The following ZC3H7B variants were observed in gnomAD, a reference collection of about 807,000 sequenced individuals.
ZC3H7B encodes zinc finger CCCH domain-containing protein 7B.
Under a neutral mutation model 116.0 loss-of-function variants are expected in ZC3H7B, and 35 were observed. That is an observed-to-expected ratio of 0.30 (90% confidence interval 0.23 to 0.40). The LOEUF (loss-of-function observed/expected upper bound fraction) is 0.40, where lower values mean the gene tolerates loss of function less well. Ranked by LOEUF, ZC3H7B falls within the 10% of genes least tolerant of loss-of-function variation. ZC3H7B has a pLI of 1.00. For synonymous variants in ZC3H7B, 502 were observed against 545.6 expected (o/e 0.92, Z 1.11); for missense variants, 1,011 against 1,321.5 (o/e 0.77, Z 3.64).
intron 1 of ZC3H7B, among the ~76,000 whole-genome samples, chr22:41,305,925 T>C (rs1439180938): frequency 6.6e-6 from 1 of 152,216 alleles, no homozygotes; most frequent in Admixed American, 6.5e-5. Context: ...AATTGAATTA[T>C]GCCCCAATGT....
rs2036480836 is a variant in ZC3H7B at position 41,338,972 on chromosome 22, C to G, written c.626-29C>G. On this transcript the variant is annotated intron_variant, in intron 8 of 22. Coordinates refer to ENST00000352645, the MANE Select transcript of ZC3H7B (RefSeq NM_017590.6). This position sits in a 1 kb window ranked among gnomAD's most constrained non-coding sequence, Gnocchi z 4.5. ...CTCCACCCTCACCAAGCAGTGCTCC[C>G]CTTCGGCTCTTGCCCACCCCATCCG... 6.6e-7 allele frequency: 1 copy of G among 1,517,980 alleles called. No homozygotes were observed. Among genetic ancestry groups the G allele is most frequent in the Non-Finnish European group, 8.9e-7 (1 of 1,129,502 alleles). 94.0% of individuals were successfully genotyped at this position (1,517,980 alleles called of 1,614,324 possible). A position where few individuals can be genotyped will look rare whatever the true frequency, so the allele number is the denominator to read the frequency against.
chr22:41,326,497 C>T (rs1319415299), intron 4 of ZC3H7B, among the ~76,000 whole-genome samples: 3 of 151,708 alleles, frequency 2.0e-5, no homozygotes, highest in Non-Finnish European at 2.9e-5. Context: ...TAGTCTCAGC[C>T]TCCTCACTGT....
chr22:41,323,788 C>T (rs1210525964), intron 2 of ZC3H7B, among the ~76,000 whole-genome samples: 4 of 152,092 alleles, frequency 2.6e-5, no homozygotes, highest in South Asian at 2.1e-4. Flanking sequence ...AAGATGTCTA[C>T]GGCCGGGCGC....
intron 1 of ZC3H7B, among the ~76,000 whole-genome samples, chr22:41,310,078 A>G (rs916702836): frequency 1.3e-5 from 2 of 151,916 alleles, no homozygotes; most frequent in East Asian, 3.9e-4. Flanking sequence ...GGTGGCGGGC[A>G]CCTGTAGTCC....
intron 6 of ZC3H7B, 118 bp from the exon 7 acceptor site, chr22:41,332,052 CG>C: frequency 2.9e-6 from 3 of 1,032,246 alleles, no homozygotes; most frequent in South Asian, 1.4e-5. Flanking sequence ...CAGGGACTCT[CG>C]GGGGCGCTGC....
chr22:41,342,097 C>T (rs893756506), intron 11 of ZC3H7B, among the ~76,000 whole-genome samples: 15 of 151,708 alleles, frequency 9.9e-5, no homozygotes, highest in African/African-American at 3.4e-4. Context: ...TACACTCTGA[C>T]CTACACTAGC....
chr22:41,351,413 C>A lies in ZC3H7B; in HGVS notation c.1949-148C>A. 1 of 638,694 alleles carries A rather than the reference C, an allele frequency of 1.6e-6. No homozygotes were observed. 39.6% of individuals were successfully genotyped at this position (638,694 alleles called of 1,614,324 possible). On this transcript the variant is annotated intron_variant, in intron 16 of 22. Transcript: ENST00000352645. The surrounding 1 kb of genome is among the most constrained non-coding windows in gnomAD (Gnocchi z 5.1). ...CATTTTGCAGATGGACAAAGTGGTTCCCTTGTACCCCATGTCTTACTGTGG... is the reference window on the plus strand; with the variant it reads ...CATTTTGCAGATGGACAAAGTGGTTACCTTGTACCCCATGTCTTACTGTGG...
At position 41,338,936 on chromosome 22, in the gene ZC3H7B, C is replaced by T. The variant is rs868001184; in HGVS notation, c.626-65C>T. ...AGTGTTGGATGAGCATCACGGGGCCCGGGACGCCTCCTCCACCCTCACCAA... is the reference window on the plus strand; with the variant it reads ...AGTGTTGGATGAGCATCACGGGGCCTGGGACGCCTCCTCCACCCTCACCAA... On this transcript the variant is annotated intron_variant, in intron 8 of 22. Coordinates refer to ENST00000352645, the MANE Select transcript of ZC3H7B (RefSeq NM_017590.6). This position sits in a 1 kb window ranked among gnomAD's most constrained non-coding sequence, Gnocchi z 4.5. 3.0e-5 allele frequency: 43 copies of T among 1,445,216 alleles called. 1 individual carries two copies. In the Middle Eastern group the frequency reaches 2.1e-3, roughly 70 times the overall value. 89.5% of individuals were successfully genotyped at this position (1,445,216 alleles called of 1,614,324 possible).
At chr22:41,312,240 G>T (rs2036128705) in intron 1 of ZC3H7B, among the ~76,000 whole-genome samples, 1 of 151,920 alleles carries the variant, frequency 6.6e-6, no homozygotes, top group African/African-American at 2.4e-5. Flanking sequence ...GCTGAGGCGG[G>T]CAGATCACCT....
Position 41,343,450 on chromosome 22 carries a change from C to G in ZC3H7B, c.1333C>G (p.Leu445Val). Reference sequence around the variant, plus strand: ...TGGCGACTACACCTACCGTGAGGGCCTTGAGCACAAGTGCAAGCGGGACAT... The same window carrying G: ...TGGCGACTACACCTACCGTGAGGGCGTTGAGCACAAGTGCAAGCGGGACAT... ...RAGDYTYREG[L>V]EHKCKRDILL... The change falls in exon 13 of 23, where the codon CTT (leucine) becomes GTT (valine). Residue 445 changes from leucine (L) to valine (V), a missense_variant. By Grantham distance (32) the Leu-to-Val change is conservative. This residue lies in a region of ZC3H7B where 179 missense variants were observed against 178.5 expected (regional missense o/e 1.00). Transcript: ENST00000352645. The G allele has an allele frequency of 6.2e-7, 1 of 1,613,748 alleles. No individual in the cohort carries two copies. The highest frequency in any genetic ancestry group is 1.1e-5 in the South Asian group (1 of 91,048).
chr22:41,302,548 G>GGCCTGGGA lies in ZC3H7B; in HGVS notation c.-7+780_-7+787dup, dbSNP rs2035982536. Among the ~76,000 whole-genome samples, 1 of 152,072 alleles carries GGCCTGGGA rather than the reference G, an allele frequency of 6.6e-6. No individual in the cohort carries two copies. Among genetic ancestry groups the GGCCTGGGA allele is most frequent in the South Asian group, 2.1e-4 (1 of 4,822 alleles). The stretch of plus-strand genomic sequence containing the variant: ...ACGGGGGCGCCCTGACGGGGCTGGG[G>GGCCTGGGA]GCCTGGGAGCCGCCGACTCCGGCCT... On this transcript the variant is annotated intron_variant, in intron 1 of 22. Coordinates refer to ENST00000352645, the MANE Select transcript of ZC3H7B (RefSeq NM_017590.6). The surrounding 1 kb of genome is among the most constrained non-coding windows in gnomAD (Gnocchi z 5.7).
Position 41,346,950 on chromosome 22 carries a change from G to C in ZC3H7B, c.1665+742G>C, listed in dbSNP as rs973447381. 2.6e-4 allele frequency among the ~76,000 whole-genome samples: 38 copies of C among 146,992 alleles called. No individual in the cohort carries two copies. Among genetic ancestry groups the C allele is most frequent in the Non-Finnish European group, 1.5e-5 (1 of 67,198 alleles). ...CCACTGCACTCCAGCCTGGGTGACA[G>C]AGTGAGACCCTATTCCAAAAAAAAA... On this transcript the variant is annotated intron_variant, in intron 14 of 22. Coordinates refer to ENST00000352645, the MANE Select transcript of ZC3H7B (RefSeq NM_017590.6). This position sits in a 1 kb window ranked among gnomAD's most constrained non-coding sequence, Gnocchi z 5.3.
At position 41,318,620 on chromosome 22, in the gene ZC3H7B, G is replaced by A. The variant is rs146137254; in HGVS notation, c.-6-2035G>A. Among the ~76,000 whole-genome samples, 6 of 151,460 alleles carry A rather than the reference G, an allele frequency of 4.0e-5. No homozygotes were observed. In the East Asian group the frequency reaches 5.9e-4, roughly 15 times the overall value. On this transcript the variant is annotated intron_variant, in intron 1 of 22. Coordinates refer to ENST00000352645, the MANE Select transcript of ZC3H7B (RefSeq NM_017590.6). The stretch of plus-strand genomic sequence containing the variant: ...AAAGGTTAGCGAGGCATGGTGGCGC[G>A]CGCCTGTGATCTCAGCTGCTTGGGA...
chr22:41,325,440 C>A (rs764683135), intron 2 of ZC3H7B, 124 bp from the exon 3 acceptor site: 9 of 1,298,374 alleles, frequency 6.9e-6, no homozygotes, highest in African/African-American at 3.0e-5. Context: ...AGAAGAAAAC[C>A]GCAGTCTGTT....
rs553531398 is a variant in ZC3H7B at position 41,305,247 on chromosome 22, A to T, written c.-7+3475A>T. The stretch of plus-strand genomic sequence containing the variant: ...GTAATCGCAGCTACTTGGGAGGCTG[A>T]GGCAGGAGAATTGCTTGAACCCAGG... On this transcript the variant is annotated intron_variant, in intron 1 of 22. Coordinates refer to ENST00000352645, the MANE Select transcript of ZC3H7B (RefSeq NM_017590.6). Among the ~76,000 whole-genome samples the T allele has an allele frequency of 1.4e-4, 22 of 151,912 alleles. No homozygotes were observed. The East Asian group carries it at 3.7e-3, about 25-fold the overall frequency.
At chr22:41,320,281 C>T (rs553478199) in intron 1 of ZC3H7B, among the ~76,000 whole-genome samples, 5 of 149,594 alleles carry the variant, frequency 3.3e-5, no homozygotes, top group Admixed American at 2.0e-4. Flanking sequence ...TGCAGTGAGC[C>T]GAGATGGCGC....
chr22:41,354,937 C>T (rs538291481), intron 17 of ZC3H7B, among the ~76,000 whole-genome samples: 2 of 152,186 alleles, frequency 1.3e-5, no homozygotes, highest in African/African-American at 2.4e-5. Flanking sequence ...GGGGTGGCTT[C>T]CCATCTCCTG....
chr22:41,356,235 T>C, intron 20 of ZC3H7B, 108 bp from the exon 21 acceptor site: 6 of 1,552,716 alleles, frequency 3.9e-6, no homozygotes, highest in Non-Finnish European at 5.2e-6. Flanking sequence ...CTGAGCGGCC[T>C]ATCAGCAGGA....
intron 11 of ZC3H7B, among the ~76,000 whole-genome samples, chr22:41,341,366 A>C (rs1296657882): frequency 3.3e-5 from 5 of 152,220 alleles, no homozygotes; most frequent in Non-Finnish European, 7.3e-5. Context: ...GTCTGATGGA[A>C]GAATTCAAGT....
Sources: allele counts gnomAD v4.1 joint callset (sites outside exome capture counted in the v4.1 genomes callset), GRCh38; gene constraint gnomAD v4.1.1; regional missense constraint gnomAD v4.1.1; non-coding constraint Gnocchi (gnomAD v3.1); transcripts MANE v1.5; gene names NCBI Gene and HGNC (gene_info 2026-07-23, HGNC 2026-07-21).